The following BAZ2B variants were observed in gnomAD, a reference collection of about 807,000 sequenced individuals.
The protein encoded by BAZ2B is bromodomain adjacent to zinc finger domain 2B, also known as bromodomain adjacent to zinc finger domain protein 2B.
Under a neutral mutation model 246.0 loss-of-function variants are expected in BAZ2B, and 91 were observed. The ratio of observed to expected loss-of-function variants is 0.37; its 90% CI spans 0.31 to 0.44. BAZ2B has a LOEUF of 0.44. BAZ2B is among the 20% of genes least tolerant of loss of function. The probability of loss-of-function intolerance (pLI) is 1.00; values close to 1 mark genes in which losing one functional copy is unlikely to be tolerated. For missense variants in BAZ2B, 2,332 were observed against 2,533.7 expected (o/e 0.92, Z 1.71); for synonymous variants, 855 against 860.0 (o/e 0.99, Z 0.10).
chr2:159,697,211 CTGCT>C, the BAZ2B span, among the ~76,000 whole-genome samples: 4 of 140,502 alleles, frequency 2.8e-5, no homozygotes, highest in Non-Finnish European at 6.5e-5. Context: ...AATATTTTGC[CTGCT>C]TGTTTTTTTT....
At chr2:159,657,790 A>G in the BAZ2B span, among the ~76,000 whole-genome samples, 1 of 152,190 alleles carries the variant, frequency 6.6e-6, no homozygotes, top group Admixed American at 6.6e-5. Context: ...AAGCAACTGG[A>G]TTTTGTATAT....
intron 25 of BAZ2B, among the ~76,000 whole-genome samples, chr2:159,376,368 T>C (rs1234287718): frequency 1.3e-5 from 2 of 151,932 alleles, no homozygotes; most frequent in African/African-American, 4.8e-5. Context: ...CACACAAATA[T>C]ATATTTCTGA....
chr2:159,691,562 T>C, the BAZ2B span, among the ~76,000 whole-genome samples: 1 of 152,306 alleles, frequency 6.6e-6, no homozygotes, highest in Admixed American at 6.5e-5. Flanking sequence ...GAATTGCCTG[T>C]CTGAAATGGA....
the BAZ2B span, among the ~76,000 whole-genome samples, chr2:159,682,390 G>T: frequency 6.6e-6 from 1 of 151,860 alleles, no homozygotes; most frequent in South Asian, 2.1e-4. Context: ...TATTGTCCAG[G>T]CTGGTCTTGA....
intron 8 of BAZ2B, chr2:159,437,893 G>A (rs980488865): frequency 3.1e-5 from 5 of 161,146 alleles, no homozygotes; most frequent in Non-Finnish European, 4.0e-5. Flanking sequence ...CTCCAGCCTC[G>A]GCAACAGATT....
intron 34 of BAZ2B, among the ~76,000 whole-genome samples, chr2:159,331,488 C>A (rs1159990212): frequency 6.6e-6 from 1 of 152,158 alleles, no homozygotes; most frequent in Non-Finnish European, 1.5e-5. Flanking sequence ...CTGCCTGAGC[C>A]CCCCAAATAG....
At chr2:159,324,115 C>T (rs536695824) in intron 36 of BAZ2B, among the ~76,000 whole-genome samples, 1 of 151,592 alleles carries the variant, frequency 6.6e-6, no homozygotes, top group Non-Finnish European at 1.5e-5. Flanking sequence ...GTTATTTTCA[C>T]CAAAAGAATG....
At chr2:159,423,086 C>A (rs2069074830) in intron 13 of BAZ2B, among the ~76,000 whole-genome samples, 1 of 152,060 alleles carries the variant, frequency 6.6e-6, no homozygotes, top group Admixed American at 6.6e-5. Context: ...GAGGCCAAGG[C>A]AGGCAGATCA....
intron 25 of BAZ2B, 37 bp from the exon 26 acceptor site, chr2:159,374,790 T>A: frequency 6.4e-7 from 1 of 1,561,130 alleles, no homozygotes. Flanking sequence ...TTATCTGTTT[T>A]AAGATTTATT....
rs560700227 is a variant in BAZ2B, at chr2:159,511,531, G to T, written c.-2-32810C>A. On this transcript the variant is annotated intron_variant, in intron 2 of 36. Transcript: ENST00000392783. Reference sequence around the variant, plus strand: ...TCTCTGGACATTGCAATTTATAAAGGATGTAACAGATTTAGTTCAGTATAA... The same window carrying T: ...TCTCTGGACATTGCAATTTATAAAGTATGTAACAGATTTAGTTCAGTATAA... Among the ~76,000 whole-genome samples the T allele has an allele frequency of 5.9e-5, 9 of 152,194 alleles. No individual in the cohort carries two copies. In the East Asian group the frequency reaches 7.7e-4, roughly 13 times the overall value.
chr2:159,337,748 A>T lies in BAZ2B; in HGVS notation c.5479T>A (p.Ser1827Thr). 6.2e-7 allele frequency: 1 copy of T among 1,614,110 alleles called. No homozygotes were observed. Among genetic ancestry groups the T allele is most frequent in the Non-Finnish European group, 8.5e-7 (1 of 1,179,984 alleles). ...AAATATACCAAGTCCTCCCTTTCTG[A>T]TGCAGGCTCTGGACACATCCAACCC... Reference protein sequence around the residue: ...VKGWMCPEPASEREDLVYFEH... With the variant: ...VKGWMCPEPATEREDLVYFEH... Residue 1827 changes from serine (S) to threonine (T), a missense_variant, in exon 32 of 37, where the codon TCA (serine) becomes ACA (threonine). Physicochemically the swap from Ser to Thr is moderately conservative, Grantham distance 58. Coordinates refer to ENST00000392783, the MANE Select transcript of BAZ2B (RefSeq NM_013450.4).
rs2081723996 is a variant in BAZ2B at position 159,501,175 on chromosome 2, TATATATA to T, written c.-2-22461_-2-22455del. Among the ~76,000 whole-genome samples the T allele has an allele frequency of 8.2e-5, 7 of 85,156 alleles. 1 individual carries two copies. Among genetic ancestry groups the T allele is most frequent in the Admixed American group, 7.1e-4 (5 of 7,036 alleles). The allele number at this position is 85,156 out of a possible 152,430, so 55.9% of individuals were successfully genotyped here. On this transcript the variant is annotated intron_variant, in intron 2 of 36. Transcript: ENST00000392783. The stretch of plus-strand genomic sequence containing the variant: ...ATATATATAAATATATAATATATAT[TATATATA>T]TTTATATATAATATATATATTTTTA...
the BAZ2B span, among the ~76,000 whole-genome samples, chr2:159,657,415 T>C: frequency 2.6e-5 from 4 of 152,192 alleles, no homozygotes; most frequent in Non-Finnish European, 5.9e-5. Flanking sequence ...CCTCTAACCT[T>C]GTTCTTCAAT....
At chr2:159,658,603 T>C in the BAZ2B span, among the ~76,000 whole-genome samples, 3 of 152,132 alleles carry the variant, frequency 2.0e-5, no homozygotes, top group Admixed American at 2.0e-4. Context: ...CTGCAACCTC[T>C]GCCTCCCAGG....
chr2:159,575,275 C>T (rs779272770), intron 1 of BAZ2B, among the ~76,000 whole-genome samples: 1 of 151,962 alleles, frequency 6.6e-6, no homozygotes, highest in Non-Finnish European at 1.5e-5. Context: ...GTTACTCCAG[C>T]CTGGGCGACA....
the BAZ2B span, chr2:159,693,052 C>T: frequency 6.6e-6 from 1 of 152,172 alleles, no homozygotes; most frequent in East Asian, 1.9e-4. Flanking sequence ...GTGTTGACCT[C>T]CAAAAGCACT....
intron 19 of BAZ2B, 64 bp from the exon 20 acceptor site, chr2:159,395,898 AAAAAACAAAAAC>A (rs1270556425): frequency 1.4e-6 from 2 of 1,435,486 alleles, no homozygotes; most frequent in African/African-American, 1.4e-5. Context: ...TTTTCCAATG[AAAAAACAAAAAC>A]AAAAACAAAA....
the BAZ2B span, among the ~76,000 whole-genome samples, chr2:159,663,690 T>C: frequency 6.6e-6 from 1 of 151,708 alleles, no homozygotes; most frequent in Admixed American, 6.6e-5. Flanking sequence ...GGCTAATTTT[T>C]GTATTTTTGG....
Position 159,547,545 on chromosome 2 carries a change from G to A in BAZ2B, c.-3+8278C>T, listed in dbSNP as rs141783411. Among the ~76,000 whole-genome samples the A allele has an allele frequency of 4.7e-3, 717 of 152,156 alleles. 5 individuals are homozygous for A. Among genetic ancestry groups the A allele is most frequent in the African/African-American group, 0.016 (679 of 41,522 alleles). The stretch of plus-strand genomic sequence containing the variant: ...TTATATTTTATCCACTCCCTGACTA[G>A]CATTTCTTATATCTCACAGCAGAAG... On this transcript the variant is annotated intron_variant, in intron 2 of 36. Transcript: ENST00000392783.
Sources: allele counts gnomAD v4.1 joint callset (sites outside exome capture counted in the v4.1 genomes callset), GRCh38; gene constraint gnomAD v4.1.1; transcripts MANE v1.5; gene names NCBI Gene and HGNC (gene_info 2026-07-23, HGNC 2026-07-21).